The following MARCHF1 variants were observed in gnomAD, a reference collection of about 807,000 sequenced individuals.
The protein encoded by MARCHF1 is E3 ubiquitin-protein ligase MARCHF1.
MARCHF1 carries 40 observed loss-of-function variants against 54.2 expected under a neutral mutation model. That is an observed-to-expected ratio of 0.74 (90% CI 0.57 to 0.96). MARCHF1 has a LOEUF of 0.96. Ranked by LOEUF, MARCHF1 falls within the 40% of genes least tolerant of loss-of-function variation. The pLI is 0.00. For missense variants in MARCHF1, 586 were observed against 656.5 expected (o/e 0.89, Z 1.17); for synonymous variants, 236 against 236.3 (o/e 1.00, Z 0.01).
At chr4:164,233,236 T>C (rs1157500626) in intron 1 of MARCHF1, among the ~76,000 whole-genome samples, 1 of 143,456 alleles carries the variant, frequency 7.0e-6, no homozygotes, top group Non-Finnish European at 1.5e-5. Flanking sequence ...GGTTTCTGTT[T>C]ATTTCAAAAA....
At chr4:164,028,675 T>C (rs1336012527) in intron 2 of MARCHF1, among the ~76,000 whole-genome samples, 2 of 152,082 alleles carry the variant, frequency 1.3e-5, no homozygotes, top group Admixed American at 6.6e-5. Flanking sequence ...CTCAATATCA[T>C]ACAATATATC....
intron 3 of MARCHF1, among the ~76,000 whole-genome samples, chr4:163,980,717 GTAGT>G (rs1280294376): frequency 6.6e-6 from 1 of 152,116 alleles, no homozygotes. Context: ...TAAATGAACT[GTAGT>G]AGTAGTTTCA....
intron 1 of MARCHF1, chr4:164,330,170 AG>A (rs1413820686): frequency 9.1e-6 from 1 of 110,092 alleles, no homozygotes; most frequent in Non-Finnish European, 2.0e-5. Flanking sequence ...CTGTGAAGGA[AG>A]GTTAAAAAAA....
At chr4:163,543,521 G>A (rs1369133462) in intron 9 of MARCHF1, among the ~76,000 whole-genome samples, 1 of 152,130 alleles carries the variant, frequency 6.6e-6, no homozygotes, top group Middle Eastern at 3.4e-3. Flanking sequence ...AAGATAGGTG[G>A]ATGTATGGGT....
chr4:163,741,544 C>T (rs1458699715), intron 4 of MARCHF1, among the ~76,000 whole-genome samples: 1 of 150,482 alleles, frequency 6.6e-6, no homozygotes, highest in Non-Finnish European at 1.5e-5. Flanking sequence ...GATTGTGCCA[C>T]TGCATTGTAG....
chr4:164,134,602 G>T (rs910607872), intron 1 of MARCHF1, among the ~76,000 whole-genome samples: 3 of 151,784 alleles, frequency 2.0e-5, no homozygotes, highest in African/African-American at 4.8e-5. Context: ...CGTCACACTC[G>T]CCCTCACTCC....
chr4:163,915,257 C>T, intron 3 of MARCHF1, among the ~76,000 whole-genome samples: 1 of 152,070 alleles, frequency 6.6e-6, no homozygotes, highest in East Asian at 1.9e-4. Context: ...AAAATTCTCT[C>T]TTAATATGAT....
intron 4 of MARCHF1, among the ~76,000 whole-genome samples, chr4:163,834,152 C>T (rs183023669): frequency 7.2e-5 from 11 of 152,218 alleles, no homozygotes; most frequent in Admixed American, 7.2e-4. Flanking sequence ...TGTAAATCAG[C>T]ACCTGAGCTA....
chr4:164,006,353 G>C (rs1160415397), intron 2 of MARCHF1, among the ~76,000 whole-genome samples: 1 of 152,076 alleles, frequency 6.6e-6, no homozygotes, highest in Non-Finnish European at 1.5e-5. Flanking sequence ...GCTCTCAACA[G>C]TAGAGTGGAC....
At chr4:163,994,428 C>T (rs1435205120) in intron 2 of MARCHF1, among the ~76,000 whole-genome samples, 1 of 151,762 alleles carries the variant, frequency 6.6e-6, no homozygotes, top group Non-Finnish European at 1.5e-5. Flanking sequence ...CCTAGTGGCA[C>T]AGTTTCCTAA....
intron 8 of MARCHF1, among the ~76,000 whole-genome samples, chr4:163,571,255 T>A (rs1041563319): frequency 6.6e-6 from 1 of 152,126 alleles, no homozygotes; most frequent in African/African-American, 2.4e-5. Flanking sequence ...CAAGTCTGTT[T>A]CAAATTATTT....
intron 7 of MARCHF1, among the ~76,000 whole-genome samples, chr4:163,591,087 CACTT>C (rs955627510): frequency 6.6e-6 from 1 of 151,256 alleles, no homozygotes; most frequent in African/African-American, 2.4e-5. Context: ...TAATTATTGT[CACTT>C]AATTGATCAC....
chr4:164,136,026 T>C (rs534154306), intron 1 of MARCHF1, among the ~76,000 whole-genome samples: 1 of 152,074 alleles, frequency 6.6e-6, no homozygotes, highest in South Asian at 2.1e-4. Flanking sequence ...AATGAAAAGA[T>C]ACAGAGAAAA....
At chr4:164,187,946 G>A (rs899384629) in intron 1 of MARCHF1, among the ~76,000 whole-genome samples, 2 of 151,972 alleles carry the variant, frequency 1.3e-5, no homozygotes, top group Admixed American at 1.3e-4. Context: ...TATTGTAAAT[G>A]GCAATTATTT....
At chr4:163,733,247 G>GTATA (rs1158466490) in intron 4 of MARCHF1, among the ~76,000 whole-genome samples, 1 of 17,304 alleles carries the variant, frequency 5.8e-5, no homozygotes, top group African/African-American at 1.9e-4. Context: ...ATATACACGT[G>GTATA]TATATATATA....
At chr4:164,367,308 A>T (rs1456530593) in intron 1 of MARCHF1, among the ~76,000 whole-genome samples, 1 of 152,114 alleles carries the variant, frequency 6.6e-6, no homozygotes, top group Non-Finnish European at 1.5e-5. Flanking sequence ...TTGTTACTCT[A>T]AGCATCAGGT....
At chr4:164,081,617 G>C (rs1755103269) in intron 2 of MARCHF1, among the ~76,000 whole-genome samples, 1 of 152,008 alleles carries the variant, frequency 6.6e-6, no homozygotes, top group Non-Finnish European at 1.5e-5. Context: ...TTCCTGAGTT[G>C]TGTGAAAAAA....
chr4:164,110,054 A>G (rs1755801579), intron 2 of MARCHF1, among the ~76,000 whole-genome samples: 2 of 151,370 alleles, frequency 1.3e-5, no homozygotes, highest in South Asian at 4.2e-4. Flanking sequence ...GTTTCCTATT[A>G]ATGTAAAATT....
rs563398265 is a variant in MARCHF1, at chr4:163,994,856, C to T, written c.-247-6147G>A. The stretch of plus-strand genomic sequence containing the variant: ...CTAGATGTAGAGATACATGTATCTG[C>T]TCAAATATTATTTTTATGCCTTGTA... On this transcript the variant is annotated intron_variant, in intron 2 of 9. Coordinates refer to ENST00000514618, the MANE Select transcript of MARCHF1 (RefSeq NM_001394959.1). Among the ~76,000 whole-genome samples the T allele has an allele frequency of 2.0e-5, 3 of 151,448 alleles. No homozygotes were observed. The South Asian group carries it at 6.3e-4, about 32-fold the overall frequency.
Sources: allele counts gnomAD v4.1 joint callset (sites outside exome capture counted in the v4.1 genomes callset), GRCh38; gene constraint gnomAD v4.1.1; transcripts MANE v1.5; gene names NCBI Gene and HGNC (gene_info 2026-07-23, HGNC 2026-07-21).